Variants in UGP2 observed in about 807,000 individuals in gnomAD.
UGP2 encodes the protein UDP-glucose pyrophosphorylase 2.
UGP2 carries 40 observed loss-of-function variants against 49.0 expected under a neutral mutation model. The observed-to-expected ratio is 0.82, with a 90% CI of 0.63 to 1.06. The LOEUF (loss-of-function observed/expected upper bound fraction) is 1.06. UGP2 is among the 50% of genes least tolerant of loss of function. UGP2 has a pLI of 0.00. For synonymous variants in UGP2, 225 were observed against 213.0 expected, an observed-to-expected ratio of 1.06 and a Z score of -0.49; for missense variants, 460 against 603.5, an observed-to-expected ratio of 0.76 and a Z score of 2.49.
chr2:63,869,946 A>C (rs951430594), intron 3 of UGP2, among the ~76,000 whole-genome samples: 8 of 143,898 alleles, frequency 5.6e-5, no homozygotes, highest in African/African-American at 2.0e-4. Context: ...TTTTTGAGAC[A>C]GAGTCTCGCT....
chr2:63,863,659 A>G (rs1407481773), intron 3 of UGP2, among the ~76,000 whole-genome samples: 1 of 152,234 alleles, frequency 6.6e-6, no homozygotes, highest in Non-Finnish European at 1.5e-5. Flanking sequence ...GCAAAGATAC[A>G]CTATTTTTAA....
chr2:63,865,909 G>A, intron 3 of UGP2, among the ~76,000 whole-genome samples: 1 of 152,078 alleles, frequency 6.6e-6, no homozygotes, highest in East Asian at 1.9e-4. Flanking sequence ...AGTTGTGCTT[G>A]TTCTCAAATG....
At chr2:63,872,997 G>A (rs140842139) in intron 3 of UGP2, among the ~76,000 whole-genome samples, 5 of 152,238 alleles carry the variant, frequency 3.3e-5, no homozygotes, top group East Asian at 3.9e-4. Flanking sequence ...TTCTGCATCC[G>A]TGAGCCTTAC....
intron 3 of UGP2, among the ~76,000 whole-genome samples, chr2:63,859,984 G>T (rs1442336750): frequency 6.6e-6 from 1 of 152,120 alleles, no homozygotes; most frequent in Admixed American, 6.5e-5. Context: ...GCTAATGTTT[G>T]TTCACCTTGG....
At chr2:63,856,543 G>A in intron 2 of UGP2, 110 bp downstream of exon 2, 2 of 1,294,374 alleles carry the variant, frequency 1.5e-6, no homozygotes, top group Non-Finnish European at 2.1e-6. Flanking sequence ...AGCACAAGAT[G>A]TACGATAACA....
At chr2:63,877,719 C>T (rs1057326890) in intron 3 of UGP2, among the ~76,000 whole-genome samples, 2 of 151,680 alleles carry the variant, frequency 1.3e-5, no homozygotes, top group Non-Finnish European at 1.5e-5. Flanking sequence ...TGCGGCCGGG[C>T]GCGGTGGCTC....
intron 9 of UGP2, 93 bp from the exon 10 acceptor site, chr2:63,891,024 TAAA>T (rs368306965): frequency 4.2e-5 from 35 of 832,598 alleles, no homozygotes; most frequent in East Asian, 2.7e-4. Flanking sequence ...TACTTCACTG[TAAA>T]AAAAAAAAAG....
Position 63,886,321 on chromosome 2 carries a change from A to C in UGP2, c.874-20A>C. ...ACTTGAGACTGATGTGGAGGCACTC[A>C]CTATTTTCTGCCTTTCTAGGGCGGG... On this transcript the variant is annotated intron_variant, in intron 6 of 9. Transcript: ENST00000337130. The C allele has an allele frequency of 1.9e-6, 3 of 1,612,192 alleles. No homozygotes were observed. The highest frequency in any genetic ancestry group is 1.7e-6 in the Non-Finnish European group (2 of 1,178,290).
intron 2 of UGP2, among the ~76,000 whole-genome samples, 154 bp downstream of exon 2, chr2:63,856,587 T>C (rs977178425): frequency 6.6e-6 from 1 of 152,180 alleles, no homozygotes; most frequent in Non-Finnish European, 1.5e-5. Flanking sequence ...GCTTAACAAT[T>C]ACCGGCTTTT....
chr2:63,867,410 G>T (rs1236267407), intron 3 of UGP2, among the ~76,000 whole-genome samples: 1 of 152,040 alleles, frequency 6.6e-6, no homozygotes, highest in Non-Finnish European at 1.5e-5. Flanking sequence ...AATAATAAAA[G>T]AACCTACTTT....
At chr2:63,876,592 T>C (rs1050848612) in intron 3 of UGP2, among the ~76,000 whole-genome samples, 4 of 152,250 alleles carry the variant, frequency 2.6e-5, no homozygotes, top group Admixed American at 6.5e-5. Flanking sequence ...GGGTTAGATA[T>C]AGCAAGACAA....
chr2:63,881,104 A>G (rs1037368845), intron 3 of UGP2, among the ~76,000 whole-genome samples: 2 of 152,200 alleles, frequency 1.3e-5, no homozygotes, highest in Non-Finnish European at 2.9e-5. Flanking sequence ...TTTACACCAA[A>G]CAAGAAAGTG....
intron 3 of UGP2, among the ~76,000 whole-genome samples, chr2:63,871,825 C>G (rs1297270463): frequency 6.6e-6 from 1 of 152,214 alleles, no homozygotes; most frequent in East Asian, 1.9e-4. Flanking sequence ...CAGTATGGAG[C>G]TATTTTAGGA....
intron 3 of UGP2, among the ~76,000 whole-genome samples, chr2:63,876,535 G>C (rs1670917010): frequency 6.6e-6 from 1 of 152,170 alleles, no homozygotes; most frequent in Admixed American, 6.5e-5. Flanking sequence ...GTCTTCTGTG[G>C]TTAACAAATT....
chr2:63,844,520 A>G (rs1370305996), intron 1 of UGP2, among the ~76,000 whole-genome samples: 1 of 152,110 alleles, frequency 6.6e-6, no homozygotes, highest in African/African-American at 2.4e-5. Flanking sequence ...GAGGAAAGTT[A>G]AGTATCTTGT....
Position 63,842,051 on chromosome 2 carries a change from C to T in UGP2, c.-135C>T. On this transcript the variant is annotated 5_prime_UTR_variant, in exon 1 of 10. Transcript: ENST00000337130. ...GTTTTAATCGCTTTGAATAAATACT[C>T]CCTTAAGTAGTTAAATATAGGAGGA... 1 of 1,081,816 alleles carries T rather than the reference C, an allele frequency of 9.2e-7. No homozygotes were observed. Among genetic ancestry groups the T allele is most frequent in the Non-Finnish European group, 1.3e-6 (1 of 763,542 alleles). 67.0% of individuals were successfully genotyped at this position (1,081,816 alleles called of 1,614,324 possible).
At chr2:63,868,965 C>CAAA (rs112034753) in intron 3 of UGP2, among the ~76,000 whole-genome samples, 1 of 131,954 alleles carries the variant, frequency 7.6e-6, no homozygotes, top group African/African-American at 2.8e-5. Flanking sequence ...AACTCCATCT[C>CAAA]AAAAAAAAAA....
Position 63,885,631 on chromosome 2 carries a change from G to A in UGP2, c.618G>A (p.Lys206=). ...AAGAATCTTTACTTCCTGTAGCAAA[G>A]GACGTGTCTTACTCAGGGGAAAATA... ...INKESLLPVA[K]DVSYSGENTE... Residue 206 remains lysine (K), a synonymous_variant, in exon 6 of 10, where the codon AAG becomes AAA. Coordinates refer to ENST00000337130, the MANE Select transcript of UGP2 (RefSeq NM_006759.4). The A allele has an allele frequency of 6.3e-7, 1 of 1,592,790 alleles. No individual in the cohort carries two copies. Among genetic ancestry groups the A allele is most frequent in the Non-Finnish European group, 8.5e-7 (1 of 1,173,454 alleles).
chr2:63,880,901 C>T (rs1017896057), intron 3 of UGP2, among the ~76,000 whole-genome samples: 1 of 152,158 alleles, frequency 6.6e-6, no homozygotes, highest in Non-Finnish European at 1.5e-5. Context: ...ACAGGCCTGT[C>T]CCCTCCTCTT....
Sources: allele counts gnomAD v4.1 joint callset (sites outside exome capture counted in the v4.1 genomes callset), GRCh38; gene constraint gnomAD v4.1.1; transcripts MANE v1.5; gene names NCBI Gene and HGNC (gene_info 2026-07-23, HGNC 2026-07-21).